Variants in SLCO1B1 observed in about 807,000 individuals in gnomAD.
The protein encoded by SLCO1B1 is OATP-2.
In SLCO1B1, 81 loss-of-function variants were observed where a neutral mutation model predicts 70.1. The observed-to-expected ratio is 1.16, with a 90% CI of 0.97 to 1.39. The LOEUF (loss-of-function observed/expected upper bound fraction) is 1.39, where lower values mean the gene tolerates loss of function less well. SLCO1B1 is among the 40% of genes most tolerant of loss of function. The probability of loss-of-function intolerance (pLI) is 0.00; values close to 1 mark genes in which losing one functional copy is unlikely to be tolerated. For missense variants in SLCO1B1, 895 were observed against 799.6 expected (o/e 1.12, Z -1.44); for synonymous variants, 283 against 271.5 (o/e 1.04, Z -0.42).
Position 21,131,646 on chromosome 12 carries a change from A to G in SLCO1B1, c.-62+410A>G, listed in dbSNP as rs111588482. Among the ~76,000 whole-genome samples, 13 of 152,018 alleles carry G rather than the reference A, an allele frequency of 8.6e-5. 1 individual carries two copies. Among genetic ancestry groups the G allele is most frequent in the Admixed American group, 2.6e-4 (4 of 15,210 alleles). On this transcript the variant is annotated intron_variant, in intron 1 of 14. Transcript: ENST00000256958. ...GATGTCTTCTTAACTGGATGAAGGC[A>G]GCCAAGGGTGGGAGTAGAGGGAAGA...
In SLCO1B1 at chr12:21,202,683, A is replaced by T; in HGVS notation, c.1328A>T (p.Asp443Val). The part of the protein sequence containing the change: ...KSVAGLTMTY[D>V]GNNPVTSHRD... ...GTTGCCGGACTAACCATGACCTATG[A>T]TGGGTTTGTATATATCACTATATCA... Residue 443 changes from aspartate (D) to valine (V), a missense_variant, in exon 10 of 15, where the codon GAT becomes GTT. Physicochemically the swap from Asp to Val is radical, Grantham distance 152. Transcript: ENST00000256958. 6 of 1,607,190 alleles carry T rather than the reference A, an allele frequency of 3.7e-6. No homozygotes were observed. Among genetic ancestry groups the T allele is most frequent in the Non-Finnish European group, 5.1e-6 (6 of 1,175,034 alleles).
intron 14 of SLCO1B1, among the ~76,000 whole-genome samples, chr12:21,228,106 G>A (rs1030841448): frequency 5.9e-5 from 9 of 151,904 alleles, no homozygotes; most frequent in Non-Finnish European, 1.2e-4. Flanking sequence ...AAGATTTAAA[G>A]GGTCGGTCTT....
intron 2 of SLCO1B1, among the ~76,000 whole-genome samples, chr12:21,160,434 T>C (rs949624403): frequency 6.6e-6 from 1 of 151,324 alleles, no homozygotes; most frequent in Non-Finnish European, 1.5e-5. Context: ...ACACAGAAAA[T>C]TGAAATTGGA....
chr12:21,215,663 T>C (rs887729200), intron 11 of SLCO1B1, among the ~76,000 whole-genome samples: 4 of 152,144 alleles, frequency 2.6e-5, no homozygotes, highest in Non-Finnish European at 4.4e-5. Context: ...GGTTTGTTTT[T>C]GATGTTGTTG....
intron 1 of SLCO1B1, among the ~76,000 whole-genome samples, chr12:21,132,389 T>C (rs1591792128): frequency 6.6e-6 from 1 of 152,222 alleles, no homozygotes; most frequent in East Asian, 1.9e-4. Context: ...TTTCCAGTTC[T>C]AGATCCCTGA....
intron 2 of SLCO1B1, among the ~76,000 whole-genome samples, chr12:21,161,285 A>G (rs1042084006): frequency 6.6e-6 from 1 of 152,230 alleles, no homozygotes; most frequent in African/African-American, 2.4e-5. Context: ...TCAATGACAG[A>G]TTGGATAAAG....
intron 2 of SLCO1B1, among the ~76,000 whole-genome samples, chr12:21,165,147 A>G (rs953780677): frequency 6.6e-6 from 1 of 152,140 alleles, no homozygotes; most frequent in African/African-American, 2.4e-5. Context: ...GTTTAGAACT[A>G]TTGCCATAAT....
At chr12:21,136,016 T>A (rs914972928) in intron 1 of SLCO1B1, among the ~76,000 whole-genome samples, 1 of 152,000 alleles carries the variant, frequency 6.6e-6, no homozygotes, top group African/African-American at 2.4e-5. Flanking sequence ...AGGAGCTCTT[T>A]TAGGGCAGGC....
chr12:21,181,544 C>A lies in SLCO1B1; in HGVS notation c.727+2524C>A, dbSNP rs76855350. Among the ~76,000 whole-genome samples the A allele has an allele frequency of 1.7e-3, 264 of 152,232 alleles. 6 individuals are homozygous for A. In the East Asian group the frequency reaches 0.045, roughly 26 times the overall value. On this transcript the variant is annotated intron_variant, in intron 7 of 14. Transcript: ENST00000256958. The stretch of plus-strand genomic sequence containing the variant: ...TAGTTTGTTATCAAGTCAATGTTAT[C>A]TTATATTAGTGAGTTTTCTTATAGA...
At chr12:21,209,054 T>TA (rs900294789) in intron 11 of SLCO1B1, among the ~76,000 whole-genome samples, 19 of 151,706 alleles carry the variant, frequency 1.3e-4, no homozygotes, top group Admixed American at 6.6e-4. Context: ...TTTAATTAAT[T>TA]AATTTATTTA....
At chr12:21,179,581 C>A (rs1242734060) in intron 7 of SLCO1B1, among the ~76,000 whole-genome samples, 1 of 152,146 alleles carries the variant, frequency 6.6e-6, no homozygotes, top group South Asian at 2.1e-4. Flanking sequence ...ATTCTCAGAG[C>A]ATACTTTCCT....
chr12:21,180,457 G>GCTTA (rs1396835149), intron 7 of SLCO1B1, among the ~76,000 whole-genome samples: 1 of 152,136 alleles, frequency 6.6e-6, no homozygotes, highest in Non-Finnish European at 1.5e-5. Flanking sequence ...ATATTTGTGT[G>GCTTA]CTTACTTGCC....
chr12:21,161,182 A>T (rs1274212319), intron 2 of SLCO1B1, among the ~76,000 whole-genome samples: 1 of 152,176 alleles, frequency 6.6e-6, no homozygotes, highest in Non-Finnish European at 1.5e-5. Context: ...GAGGAATATA[A>T]ATCATTCTAC....
At chr12:21,194,253 A>G (rs1591816067) in intron 7 of SLCO1B1, among the ~76,000 whole-genome samples, 1 of 141,482 alleles carries the variant, frequency 7.1e-6, no homozygotes, top group African/African-American at 2.7e-5. Flanking sequence ...CCGACCTCAG[A>G]TGATCCACCC....
At chr12:21,210,494 G>C (rs1313579307) in intron 11 of SLCO1B1, among the ~76,000 whole-genome samples, 1 of 79,142 alleles carries the variant, frequency 1.3e-5, no homozygotes, top group Non-Finnish European at 2.4e-5. Context: ...CAGGTAGTGT[G>C]ATGATGCCTC....
At chr12:21,167,823 T>C (rs1011164504) in intron 2 of SLCO1B1, among the ~76,000 whole-genome samples, 4 of 150,846 alleles carry the variant, frequency 2.7e-5, no homozygotes, top group Admixed American at 2.0e-4. Flanking sequence ...CTTTTCTTTT[T>C]TTTTTTTTTT....
At chr12:21,209,035 G>A (rs558993917) in intron 11 of SLCO1B1, among the ~76,000 whole-genome samples, 19 of 150,988 alleles carry the variant, frequency 1.3e-4, no homozygotes, top group Non-Finnish European at 1.3e-4. Flanking sequence ...AGAGTATTTA[G>A]GGTTTTTTTT....
intron 2 of SLCO1B1, among the ~76,000 whole-genome samples, chr12:21,161,783 G>A (rs1045648770): frequency 2.6e-5 from 4 of 152,060 alleles, no homozygotes; most frequent in African/African-American, 4.8e-5. Context: ...CGAGGTGGGC[G>A]AATCACTTGA....
chr12:21,230,549 C>T (rs771423736), intron 14 of SLCO1B1, among the ~76,000 whole-genome samples: 11 of 151,906 alleles, frequency 7.2e-5, no homozygotes, highest in Admixed American at 5.9e-4. Flanking sequence ...AGGCTGGTCT[C>T]GAACTCCTGA....
Sources: allele counts gnomAD v4.1 joint callset (sites outside exome capture counted in the v4.1 genomes callset), GRCh38; gene constraint gnomAD v4.1.1; transcripts MANE v1.5; gene names NCBI Gene and HGNC (gene_info 2026-07-23, HGNC 2026-07-21).